Variants in CNTNAP2 observed in about 807,000 individuals in gnomAD.
The protein encoded by CNTNAP2 is contactin associated protein 2, also known as contactin-associated protein-like 2.
A neutral mutation model predicts 155.2 loss-of-function variants in CNTNAP2; 98 were observed. That is an observed-to-expected ratio of 0.63 (90% CI 0.54 to 0.75). The LOEUF (loss-of-function observed/expected upper bound fraction) is 0.75, where lower values mean the gene tolerates loss of function less well. Among genes scored for constraint, CNTNAP2 ranks in the 30% least tolerant of loss-of-function variants. CNTNAP2 has a pLI of 0.00. For synonymous variants in CNTNAP2, 651 were observed against 631.2 expected (o/e 1.03, Z -0.47); for missense variants, 1,727 against 1,688.1 (o/e 1.02, Z -0.40).
At chr7:146,787,517 CG>C (rs1802595470) in intron 2 of CNTNAP2, among the ~76,000 whole-genome samples, 1 of 152,132 alleles carries the variant, frequency 6.6e-6, no homozygotes, top group Non-Finnish European at 1.5e-5. Context: ...CTGGTGGGTT[CG>C]TGGTCTCCCT....
chr7:147,245,952 T>C (rs1804051782), intron 8 of CNTNAP2, among the ~76,000 whole-genome samples: 1 of 150,326 alleles, frequency 6.7e-6, no homozygotes, highest in Non-Finnish European at 1.5e-5. Context: ...TATATACAAA[T>C]ATATGCATGC....
At chr7:147,605,711 AAG>A (rs1201810282) in intron 12 of CNTNAP2, among the ~76,000 whole-genome samples, 1 of 152,062 alleles carries the variant, frequency 6.6e-6, no homozygotes, top group Non-Finnish European at 1.5e-5. Context: ...AGTTCAGAAA[AAG>A]GTTCTCCCTG....
intron 13 of CNTNAP2, among the ~76,000 whole-genome samples, chr7:147,654,631 G>A (rs755008902): frequency 2.6e-5 from 4 of 152,024 alleles, no homozygotes; most frequent in Non-Finnish European, 5.9e-5. Flanking sequence ...CACTCATGAT[G>A]TTTGGAATCA....
At position 147,588,435 on chromosome 7, in the gene CNTNAP2, G is replaced by C. The variant is rs559120968; in HGVS notation, c.1897+26178G>C. Among the ~76,000 whole-genome samples, 533 of 152,228 alleles carry C rather than the reference G, an allele frequency of 3.5e-3. 3 individuals are homozygous for C. The highest frequency in any genetic ancestry group is 6.1e-3 in the Non-Finnish European group (412 of 68,012). On this transcript the variant is annotated intron_variant, in intron 12 of 23. Transcript: ENST00000361727. ...CAAACAAGAGGATACTCTGTGAATA[G>C]ATGTATTAGAATTTATCAACAGAAG...
intron 2 of CNTNAP2, among the ~76,000 whole-genome samples, chr7:146,825,606 C>G (rs1358260330): frequency 6.6e-6 from 1 of 152,074 alleles, no homozygotes. Flanking sequence ...CCTATGTTTT[C>G]AAGTATATGA....
At chr7:147,314,793 T>G (rs147184276) in intron 9 of CNTNAP2, among the ~76,000 whole-genome samples, 1 of 151,198 alleles carries the variant, frequency 6.6e-6, no homozygotes. Flanking sequence ...AGAAAATACA[T>G]GTAAAGGGGG....
chr7:147,611,867 G>A (rs1017265345), intron 12 of CNTNAP2, among the ~76,000 whole-genome samples: 3 of 152,164 alleles, frequency 2.0e-5, no homozygotes, highest in Admixed American at 1.3e-4. Context: ...TCCTATCAGA[G>A]TCTAGGCTTA....
At chr7:146,990,446 T>C (rs1798190104) in intron 3 of CNTNAP2, among the ~76,000 whole-genome samples, 1 of 152,126 alleles carries the variant, frequency 6.6e-6, no homozygotes, top group Admixed American at 6.6e-5. Context: ...TCCTTTAACC[T>C]TCTTTCTCAA....
chr7:146,591,199 T>C (rs1798777346), intron 1 of CNTNAP2, among the ~76,000 whole-genome samples: 1 of 152,226 alleles, frequency 6.6e-6, no homozygotes, highest in Admixed American at 6.5e-5. Flanking sequence ...ATGATTTCTA[T>C]GTTTATACTT....
intron 13 of CNTNAP2, among the ~76,000 whole-genome samples, chr7:147,834,989 C>T (rs1488475882): frequency 6.6e-5 from 10 of 152,174 alleles, no homozygotes; most frequent in African/African-American, 2.4e-4. Context: ...AACCAACTCA[C>T]GTTTCTTTAA....
At chr7:147,609,103 A>G (rs574607320) in intron 12 of CNTNAP2, among the ~76,000 whole-genome samples, 2 of 152,218 alleles carry the variant, frequency 1.3e-5, no homozygotes, top group Non-Finnish European at 2.9e-5. Context: ...CCTGACAGGC[A>G]TAATATTTAT....
At chr7:147,032,691 TGGAA>T (rs1799058716) in intron 3 of CNTNAP2, among the ~76,000 whole-genome samples, 1 of 143,010 alleles carries the variant, frequency 7.0e-6, no homozygotes, top group African/African-American at 2.6e-5. Flanking sequence ...AAAAGAAAGA[TGGAA>T]GGAAGGAAAG....
chr7:147,249,698 G>C (rs1287789760), intron 8 of CNTNAP2, among the ~76,000 whole-genome samples: 1 of 149,448 alleles, frequency 6.7e-6, no homozygotes, highest in Non-Finnish European at 1.5e-5. Flanking sequence ...AAATGCAGTG[G>C]ACTTGGGTAA....
intron 21 of CNTNAP2, among the ~76,000 whole-genome samples, chr7:148,304,688 G>A (rs919788189): frequency 7.9e-5 from 12 of 152,136 alleles, no homozygotes; most frequent in African/African-American, 1.7e-4. Flanking sequence ...GTCCTTTACC[G>A]TCTCCTAGGC....
At chr7:146,771,253 TG>T (rs1458165268) in intron 1 of CNTNAP2, among the ~76,000 whole-genome samples, 4 of 152,198 alleles carry the variant, frequency 2.6e-5, no homozygotes, top group Non-Finnish European at 4.4e-5. Context: ...GGCAGGGCAT[TG>T]TTAATTTCAC....
intron 3 of CNTNAP2, among the ~76,000 whole-genome samples, chr7:146,861,444 TTATTTAATAAAATCGA>T (rs1795098101): frequency 6.6e-6 from 1 of 152,186 alleles, no homozygotes; most frequent in Admixed American, 6.5e-5. Flanking sequence ...TACAGTTGTC[TTATTTAATAAAATCGA>T]TAGAAAACTT....
At chr7:147,470,547 A>G (rs1798199844) in intron 10 of CNTNAP2, among the ~76,000 whole-genome samples, 1 of 151,720 alleles carries the variant, frequency 6.6e-6, no homozygotes, top group East Asian at 1.9e-4. Flanking sequence ...GATTAGGGTA[A>G]CAGCAGTAGA....
chr7:147,158,444 T>C (rs1483881886), intron 8 of CNTNAP2, among the ~76,000 whole-genome samples: 1 of 152,082 alleles, frequency 6.6e-6, no homozygotes, highest in East Asian at 1.9e-4. Context: ...ATGGATTACA[T>C]GCACAAAAGG....
chr7:148,008,356 A>G (rs1215376822), intron 15 of CNTNAP2, among the ~76,000 whole-genome samples: 1 of 152,190 alleles, frequency 6.6e-6, no homozygotes, highest in Non-Finnish European at 1.5e-5. Context: ...TGGGTGACAG[A>G]GCAAGACTCC....
Sources: allele counts gnomAD v4.1 joint callset (sites outside exome capture counted in the v4.1 genomes callset), GRCh38; gene constraint gnomAD v4.1.1; transcripts MANE v1.5; gene names NCBI Gene and HGNC (gene_info 2026-07-23, HGNC 2026-07-21).